The following NCAPH variants were observed in gnomAD, a reference collection of about 807,000 sequenced individuals.
NCAPH encodes the protein condensin complex subunit 2.
NCAPH carries 38 observed loss-of-function variants against 85.5 expected under a neutral mutation model. The ratio of observed to expected loss-of-function variants is 0.44; its 90% CI spans 0.34 to 0.58. NCAPH has a LOEUF of 0.58. NCAPH is among the 20% of genes least tolerant of loss of function. The pLI is 0.01. For missense variants in NCAPH, 789 were observed against 916.6 expected, an observed-to-expected ratio of 0.86 and a Z score of 1.80; for synonymous variants, 301 against 335.1, an observed-to-expected ratio of 0.90 and a Z score of 1.11.
intron 17 of NCAPH, among the ~76,000 whole-genome samples, chr2:96,370,456 A>G (rs772091472): frequency 6.6e-6 from 1 of 152,202 alleles, no homozygotes; most frequent in Non-Finnish European, 1.5e-5. Context: ...ACATGCCAAC[A>G]TGTGACCTCT....
At chr2:96,343,788 G>A (rs905378863) in intron 5 of NCAPH, among the ~76,000 whole-genome samples, 2 of 151,822 alleles carry the variant, frequency 1.3e-5, no homozygotes, top group Non-Finnish European at 2.9e-5. Flanking sequence ...GCAGCCTCTG[G>A]CTCCCAAGTT....
chr2:96,358,772 G>T (rs529541981), intron 9 of NCAPH, among the ~76,000 whole-genome samples: 31 of 152,192 alleles, frequency 2.0e-4, no homozygotes, highest in Non-Finnish European at 4.1e-4. Context: ...CCAGCCAAAA[G>T]AATTCTCTTT....
chr2:96,359,192 A>G lies in NCAPH; in HGVS notation c.1356A>G (p.Lys452=), dbSNP rs367638665. 1.2e-5 allele frequency: 19 copies of G among 1,613,662 alleles called. 1 individual carries two copies. The highest frequency in any genetic ancestry group is 3.3e-5 in the South Asian group (3 of 91,026). The change falls in exon 10 of 18, where the codon AAA becomes AAG. Residue 452 remains lysine (K), a splice_region_variant and synonymous_variant. Transcript: ENST00000240423. ...ACTGGCGCTTTAGGCCTCGACGCAA[A>G]CGTATGTAATTCTAGGTGGAATTTT... is the stretch of plus-strand genomic sequence containing the variant. ...PDHWRFRPRR[K]QDAPSQSENK...
chr2:96,359,715 C>T lies in NCAPH; in HGVS notation c.1358-428C>T, dbSNP rs114641639. 6.2e-3 allele frequency among the ~76,000 whole-genome samples: 937 copies of T among 152,314 alleles called. 11 individuals carry two copies. Among genetic ancestry groups the T allele is most frequent in the African/African-American group, 0.022 (897 of 41,572 alleles). On this transcript the variant is annotated intron_variant, in intron 10 of 17. Coordinates refer to ENST00000240423, the MANE Select transcript of NCAPH (RefSeq NM_015341.5). ...TCATGGCTTACTGCAGCCTTGACCT[C>T]CTGGGCTTAAGCGTCCTCCCACCTC...
At chr2:96,365,767 G>A in intron 13 of NCAPH, 109 bp from the exon 14 acceptor site, 1 of 1,086,858 alleles carries the variant, frequency 9.2e-7, no homozygotes, top group Non-Finnish European at 1.4e-6. Flanking sequence ...CTCACTGAGT[G>A]AACCATCAGA....
At chr2:96,346,097 C>CTGA (rs2064357615) in intron 6 of NCAPH, among the ~76,000 whole-genome samples, 1 of 152,158 alleles carries the variant, frequency 6.6e-6, no homozygotes, top group African/African-American at 2.4e-5. Context: ...AATTGCCAGG[C>CTGA]TGATGTCCTT....
chr2:96,358,659 G>A (rs1037509040), intron 9 of NCAPH, among the ~76,000 whole-genome samples: 8 of 152,104 alleles, frequency 5.3e-5, no homozygotes, highest in African/African-American at 1.4e-4. Flanking sequence ...TAGTAGAGAC[G>A]GCGTTTCACT....
At chr2:96,338,241 G>A (rs1178931079) in intron 1 of NCAPH, among the ~76,000 whole-genome samples, 266 of 80,794 alleles carry the variant, frequency 3.3e-3, no homozygotes, top group Admixed American at 4.3e-3. Flanking sequence ...CTATTTTATT[G>A]AAAAAAAAAA....
intron 5 of NCAPH, 55 bp from the exon 6 acceptor site, chr2:96,344,050 T>G (rs1225142348): frequency 4.5e-6 from 7 of 1,569,404 alleles, no homozygotes; most frequent in East Asian, 4.5e-5. Context: ...GTTAGTAAGT[T>G]CATCACATGC....
chr2:96,369,401 A>C (rs2064742909), intron 16 of NCAPH, 24 bp from the exon 17 acceptor site: 1 of 1,604,674 alleles, frequency 6.2e-7, no homozygotes, highest in Admixed American at 1.7e-5. Flanking sequence ...GCAGTGACCT[A>C]AATACTTGCC....
At chr2:96,337,466 C>G (rs1558786388) in intron 1 of NCAPH, among the ~76,000 whole-genome samples, 1 of 152,240 alleles carries the variant, frequency 6.6e-6, no homozygotes, top group Non-Finnish European at 1.5e-5. Flanking sequence ...ATCGCCCAGG[C>G]TGGAGTGCAG....
At chr2:96,369,086 G>A in intron 16 of NCAPH, 23 bp downstream of exon 16, 1 of 1,550,774 alleles carries the variant, frequency 6.4e-7, no homozygotes, top group Non-Finnish European at 8.7e-7. Context: ...AGGCATGGGG[G>A]CTTTGTTGGG....
chr2:96,335,996 C>G, intron 1 of NCAPH, 148 bp downstream of exon 1: 270 of 185,748 alleles, frequency 1.5e-3, no homozygotes, highest in East Asian at 4.8e-3. Context: ...GAGGCCGGTG[C>G]GGGGGGAGGG....
rs1203058695 is a variant in NCAPH, at chr2:96,374,919, AGATT to A, written c.*1570_*1573del. 6.6e-6 allele frequency among the ~76,000 whole-genome samples: 1 copy of A among 152,182 alleles called. No homozygotes were observed. The highest frequency in any genetic ancestry group is 1.5e-5 in the Non-Finnish European group (1 of 68,034). On this transcript the variant is annotated 3_prime_UTR_variant, in exon 18 of 18. Coordinates refer to ENST00000240423, the MANE Select transcript of NCAPH (RefSeq NM_015341.5). ...GGCTGAATTACCAGTAAAACTAGAA[AGATT>A]GGGACCAAGTGCAGTGGCCCACACC...
intron 7 of NCAPH, 107 bp downstream of exon 7, chr2:96,352,127 AC>A: frequency 8.4e-7 from 1 of 1,187,604 alleles, no homozygotes; most frequent in Non-Finnish European, 1.2e-6. Context: ...TGCTTAAATT[AC>A]CCAGAAGTTT....
rs554324743 is a variant in NCAPH, at chr2:96,356,928, T to G, written c.1209-2117T>G. 2.0e-5 allele frequency among the ~76,000 whole-genome samples: 3 copies of G among 152,330 alleles called. No homozygotes were observed. The South Asian group carries it at 6.2e-4, about 32-fold the overall frequency. ...TAAAAGGTGGAGCTCTTTGTGCACA[T>G]GCATTGGTAAGGACTGGTCTGCAAA... On this transcript the variant is annotated intron_variant, in intron 9 of 17. Transcript: ENST00000240423.
chr2:96,375,991 C>T lies in NCAPH; in HGVS notation c.*2640C>T, dbSNP rs532785784. ...GACTCAACCTGGGACTTTTCAGCCT[C>T]CATAACTGTAATAAATTCCTTTGTC... is the stretch of plus-strand genomic sequence containing the variant. On this transcript the variant is annotated 3_prime_UTR_variant, in exon 18 of 18. Coordinates refer to ENST00000240423, the MANE Select transcript of NCAPH (RefSeq NM_015341.5). 6.6e-6 allele frequency among the ~76,000 whole-genome samples: 1 copy of T among 152,270 alleles called. No individual in the cohort carries two copies. Among genetic ancestry groups the T allele is most frequent in the Admixed American group, 6.5e-5 (1 of 15,292 alleles).
Position 96,353,397 on chromosome 2 carries a change from G to T in NCAPH, c.1002G>T (p.Glu334Asp), listed in dbSNP as rs1304710954. 6 of 1,613,662 alleles carry T rather than the reference G, an allele frequency of 3.7e-6. No homozygotes were observed. The highest frequency in any genetic ancestry group is 5.1e-6 in the Non-Finnish European group (6 of 1,179,566). Residue 334 changes from glutamate to aspartate, a missense_variant and splice_region_variant, in exon 8 of 18, where the codon GAG becomes GAT. Transcript: ENST00000240423. ...FTQWDSETHN[E>D]SVSALVDKFK... ...AGTGGGACAGTGAAACACATAATGA[G>T]GTGTGGTCAAGTTTTAGTGGCTCAT...
At chr2:96,352,184 C>T (rs1311831465) in intron 7 of NCAPH, among the ~76,000 whole-genome samples, 164 bp downstream of exon 7, 1 of 152,154 alleles carries the variant, frequency 6.6e-6, no homozygotes, top group Non-Finnish European at 1.5e-5. Flanking sequence ...TGCCTTGCAA[C>T]CCACTAACTT....
Sources: allele counts gnomAD v4.1 joint callset (sites outside exome capture counted in the v4.1 genomes callset), GRCh38; gene constraint gnomAD v4.1.1; transcripts MANE v1.5; gene names NCBI Gene and HGNC (gene_info 2026-07-23, HGNC 2026-07-21).